Variants in TCF7L2 observed in about 807,000 individuals in gnomAD.
TCF7L2 encodes transcription factor 7-like 2.
TCF7L2 carries 23 observed loss-of-function variants against 77.9 expected under a neutral mutation model. That is an observed-to-expected ratio of 0.30 (90% CI 0.21 to 0.42). The LOEUF (loss-of-function observed/expected upper bound fraction) is 0.42, where lower values mean the gene tolerates loss of function less well. Ranked by LOEUF, TCF7L2 falls within the 10% of genes least tolerant of loss-of-function variation. The probability of loss-of-function intolerance (pLI) is 1.00; values close to 1 mark genes in which losing one functional copy is unlikely to be tolerated. For synonymous variants in TCF7L2, 413 were observed against 340.2 expected (o/e 1.21, Z -2.36); for missense variants, 654 against 793.1 (o/e 0.82, Z 2.11).
chr10:113,101,340 T>A (rs2061612533), intron 5 of TCF7L2, among the ~76,000 whole-genome samples: 1 of 151,992 alleles, frequency 6.6e-6, no homozygotes, highest in Non-Finnish European at 1.5e-5. Flanking sequence ...GGCAGGAGTT[T>A]GAGACCAGCT....
intron 5 of TCF7L2, among the ~76,000 whole-genome samples, chr10:113,096,155 T>C (rs2060945627): frequency 6.6e-6 from 1 of 152,164 alleles, no homozygotes; most frequent in Non-Finnish European, 1.5e-5. Flanking sequence ...CAGTTAGCAC[T>C]TAGGGAGAGG....
At chr10:113,024,467 A>G (rs190809720) in intron 4 of TCF7L2, among the ~76,000 whole-genome samples, 75 of 152,344 alleles carry the variant, frequency 4.9e-4, no homozygotes, top group Admixed American at 1.0e-3. Context: ...GTACAGGTTA[A>G]ATAACCATTA....
chr10:113,074,657 G>A (rs2058496294), intron 5 of TCF7L2, among the ~76,000 whole-genome samples: 1 of 152,136 alleles, frequency 6.6e-6, no homozygotes, highest in South Asian at 2.1e-4. Flanking sequence ...ATTTGGATTT[G>A]AATGGGATGG....
At chr10:113,012,173 T>C (rs1385053983) in intron 4 of TCF7L2, among the ~76,000 whole-genome samples, 1 of 152,188 alleles carries the variant, frequency 6.6e-6, no homozygotes, top group East Asian at 1.9e-4. Context: ...TCACATCCCA[T>C]TCCAACTAGA....
At chr10:113,062,813 G>A (rs1365776688) in intron 5 of TCF7L2, among the ~76,000 whole-genome samples, 1 of 152,020 alleles carries the variant, frequency 6.6e-6, no homozygotes, top group African/African-American at 2.4e-5. Context: ...GAGACTCCAG[G>A]GTCTTAATAA....
chr10:113,057,510 C>T (rs955371286), intron 5 of TCF7L2, among the ~76,000 whole-genome samples: 2 of 152,126 alleles, frequency 1.3e-5, no homozygotes, highest in Admixed American at 1.3e-4. Flanking sequence ...AATATTCTTG[C>T]TCTCATGGGA....
chr10:113,025,218 A>ATTTT (rs35779425), intron 4 of TCF7L2, among the ~76,000 whole-genome samples: 1 of 98,978 alleles, frequency 1.0e-5, no homozygotes, highest in African/African-American at 4.6e-5. Flanking sequence ...CTGTGACTGG[A>ATTTT]TTTTTTTTTT....
intron 4 of TCF7L2, among the ~76,000 whole-genome samples, chr10:112,993,757 CTTTT>C (rs1564758218): frequency 1.3e-5 from 2 of 151,916 alleles, no homozygotes. Flanking sequence ...TCTATTCTTT[CTTTT>C]TTTTGAAAGT....
chr10:113,124,705 A>G (rs2065300146), intron 5 of TCF7L2, among the ~76,000 whole-genome samples: 1 of 151,702 alleles, frequency 6.6e-6, no homozygotes, highest in African/African-American at 2.4e-5. Flanking sequence ...AATTCCTTTT[A>G]ATTAGTCTTC....
At chr10:113,025,198 C>G (rs1016075564) in intron 4 of TCF7L2, among the ~76,000 whole-genome samples, 1 of 150,014 alleles carries the variant, frequency 6.7e-6, no homozygotes, top group Non-Finnish European at 1.5e-5. Context: ...GCTGGGACTA[C>G]AGGCATGCAC....
At chr10:113,076,244 C>T (rs1455734976) in intron 5 of TCF7L2, among the ~76,000 whole-genome samples, 1 of 151,984 alleles carries the variant, frequency 6.6e-6, no homozygotes, top group Non-Finnish European at 1.5e-5. Context: ...CTCAAGCAAT[C>T]CTCCAGCATC....
intron 5 of TCF7L2, among the ~76,000 whole-genome samples, chr10:113,045,358 G>T (rs1481126301): frequency 6.6e-6 from 1 of 152,176 alleles, no homozygotes; most frequent in Non-Finnish European, 1.5e-5. Context: ...TGGGAGTCAG[G>T]ATGTGAAACA....
intron 4 of TCF7L2, among the ~76,000 whole-genome samples, chr10:112,983,850 C>G (rs1384207760): frequency 6.6e-6 from 1 of 152,196 alleles, no homozygotes. Context: ...TTGTGTGTCT[C>G]TCCTGAGGAA....
At chr10:113,147,151 T>A (rs1411608824) in intron 8 of TCF7L2, among the ~76,000 whole-genome samples, 1 of 152,194 alleles carries the variant, frequency 6.6e-6, no homozygotes, top group Non-Finnish European at 1.5e-5. Flanking sequence ...ATTAAATCGG[T>A]GGAGGTTTAG....
chr10:112,987,618 A>C (rs1475130338), intron 4 of TCF7L2: 1 of 152,106 alleles, frequency 6.6e-6, no homozygotes. Flanking sequence ...GGGTGCATTG[A>C]CGAATTTGAA....
At chr10:113,097,659 A>AACAAAAAAAAAAAAACAAAAC (rs1244007508) in intron 5 of TCF7L2, among the ~76,000 whole-genome samples, 2 of 142,180 alleles carry the variant, frequency 1.4e-5, no homozygotes, top group African/African-American at 5.2e-5. Context: ...AAAAAAAAAA[A>AACAAAAAAAAAAAAACAAAAC]AAAAAAAAAA....
chr10:112,987,240 T>A (rs1231129582), intron 4 of TCF7L2, among the ~76,000 whole-genome samples: 2 of 152,156 alleles, frequency 1.3e-5, no homozygotes, highest in East Asian at 3.8e-4. Flanking sequence ...AATCCTAGCT[T>A]TGCTACTTTG....
At chr10:113,080,118 G>C (rs1448032479) in intron 5 of TCF7L2, among the ~76,000 whole-genome samples, 2 of 151,620 alleles carry the variant, frequency 1.3e-5, no homozygotes, top group African/African-American at 4.9e-5. Flanking sequence ...ACACAATTTA[G>C]GGTTTTCCCC....
chr10:113,150,516 T>C (rs2070525408), intron 8 of TCF7L2, among the ~76,000 whole-genome samples: 1 of 152,222 alleles, frequency 6.6e-6, no homozygotes, highest in South Asian at 2.1e-4. Flanking sequence ...GGATGAGGCC[T>C]AATGAGGCTT....
Sources: gnomAD v4.1 joint callset for allele counts (sites outside exome capture counted in the v4.1 genomes callset) on GRCh38, gnomAD v4.1.1 for gene constraint, MANE v1.5 for transcripts, NCBI Gene and HGNC (gene_info 2026-07-23, HGNC 2026-07-21) for gene names.